TRIM42: variants seen among roughly 807,000 people sequenced by gnomAD.
TRIM42 encodes tripartite motif containing 42.
Under a neutral mutation model 64.9 loss-of-function variants are expected in TRIM42, and 59 were observed. The ratio of observed to expected loss-of-function variants is 0.91; its 90% confidence interval spans 0.74 to 1.13. The LOEUF (loss-of-function observed/expected upper bound fraction) is 1.13, where lower values mean the gene tolerates loss of function less well. TRIM42 is among the 50% of genes most tolerant of loss of function. The pLI is 0.00. For synonymous variants in TRIM42, 354 were observed against 346.3 expected (o/e 1.02, Z -0.25); for missense variants, 878 against 929.5 (o/e 0.94, Z 0.72).
intron 1 of TRIM42, 30 bp from the exon 2 acceptor site, chr3:140,682,432 C>A: frequency 1.3e-6 from 2 of 1,594,890 alleles, no homozygotes; most frequent in Admixed American, 1.7e-5. Flanking sequence ...AGCCTGCCTC[C>A]TGAAACCCTG....
At chr3:140,698,818 A>G (rs761415431) in intron 4 of TRIM42, among the ~76,000 whole-genome samples, 4 of 152,102 alleles carry the variant, frequency 2.6e-5, no homozygotes, top group Non-Finnish European at 5.9e-5. Context: ...ATCTCCTATA[A>G]AGAATGATGG....
intron 4 of TRIM42, among the ~76,000 whole-genome samples, chr3:140,695,401 T>G (rs1988822272): frequency 6.6e-6 from 1 of 152,176 alleles, no homozygotes; most frequent in South Asian, 2.1e-4. Flanking sequence ...TGTCCTAGGT[T>G]ACATCAGACT....
At position 140,683,142 on chromosome 3, in the gene TRIM42, T is replaced by TCGCCAA; in HGVS notation, c.1023_1028dup (p.Ala342_Lys343insAsnAla). 1 of 1,614,054 alleles carries TCGCCAA rather than the reference T, an allele frequency of 6.2e-7. No individual in the cohort carries two copies. The highest frequency in any genetic ancestry group is 8.5e-7 in the Non-Finnish European group (1 of 1,179,938). On this transcript the variant is annotated inframe_insertion, in exon 2 of 5. Coordinates refer to ENST00000286349, the MANE Select transcript of TRIM42 (RefSeq NM_152616.5). ...AGGGCCGCCTCACTCTTCAGCGCCA[T>TCGCCAA]CGCCAAGTTCAAAGCAGGTCCTCCC...
Position 140,678,295 on chromosome 3 carries a change from C to G in TRIM42, c.66C>G (p.Cys22Trp). Residue 22 changes from cysteine to tryptophan, a missense_variant, in exon 1 of 5, where the codon TGC (cysteine) becomes TGG (tryptophan). Coordinates refer to ENST00000286349, the MANE Select transcript of TRIM42 (RefSeq NM_152616.5). ...GGCAGAGATGTTGTCCTCAGTTATG[C>G]TCCTGTCTGTGCTGCAAGTTCATCT... is the stretch of plus-strand genomic sequence containing the variant. ...CTWQRCCPQLCSCLCCKFIFT... is the reference protein window; with the variant it reads ...CTWQRCCPQLWSCLCCKFIFT... 6.2e-7 allele frequency: 1 copy of G among 1,614,208 alleles called. No individual in the cohort carries two copies. Among genetic ancestry groups the G allele is most frequent in the South Asian group, 1.1e-5 (1 of 91,090 alleles).
intron 3 of TRIM42, among the ~76,000 whole-genome samples, chr3:140,689,847 C>T (rs2107762684): frequency 1.3e-5 from 2 of 151,104 alleles, no homozygotes; most frequent in Non-Finnish European, 2.9e-5. Flanking sequence ...CACTGGGTCT[C>T]ATCTCCTTGA....
chr3:140,694,834 T>C (rs1988809322), intron 4 of TRIM42, among the ~76,000 whole-genome samples: 1 of 152,110 alleles, frequency 6.6e-6, no homozygotes, highest in South Asian at 2.1e-4. Context: ...CCAGCAACAT[T>C]GGGCTGAGTT....
intron 4 of TRIM42, 93 bp from the exon 5 acceptor site, chr3:140,700,794 GA>G: frequency 9.0e-7 from 1 of 1,110,432 alleles, no homozygotes. Flanking sequence ...AGGAGTTAAT[GA>G]AATGATGTGT....
In TRIM42 at chr3:140,700,947, C is replaced by A. The variant is rs1988985423; in HGVS notation, c.2145C>A (p.Ile715=). 1 of 1,614,060 alleles carries A rather than the reference C, an allele frequency of 6.2e-7. No individual in the cohort carries two copies. The highest frequency in any genetic ancestry group is 8.5e-7 in the Non-Finnish European group (1 of 1,179,928). The change falls in exon 5 of 5, where the codon ATC becomes ATA. Residue 715 remains isoleucine (I), a synonymous_variant. Transcript: ENST00000286349. ...CTAAGTGGGGCCTGCTGAAGAATAT[C>A]CAGTCTGCCCTCCAGAAGCACTTCT... ...NRAKWGLLKN[I]QSALQKHF
chr3:140,681,960 T>G (rs904616950), intron 1 of TRIM42, among the ~76,000 whole-genome samples: 1 of 152,132 alleles, frequency 6.6e-6, no homozygotes, highest in South Asian at 2.1e-4. Flanking sequence ...TTAGACAACG[T>G]TCTTGTCGGA....
intron 2 of TRIM42, among the ~76,000 whole-genome samples, chr3:140,683,725 T>C (rs1988477122): frequency 6.6e-6 from 1 of 152,188 alleles, no homozygotes; most frequent in African/African-American, 2.4e-5. Flanking sequence ...CCAAAGTAAA[T>C]AAACTGGCAG....
chr3:140,688,171 G>A lies in TRIM42; in HGVS notation c.1489G>A (p.Val497Ile). Residue 497 changes from valine to isoleucine, a missense_variant, in exon 3 of 5, where the codon GTA (valine) becomes ATA (isoleucine). Val to Ile is a conservative substitution (Grantham distance 29, BLOSUM62 3). Transcript: ENST00000286349. The stretch of plus-strand genomic sequence containing the variant: ...GCTCTTCCCCACAGGGCCCAAGAAG[G>A]TACGCTCCTCAGGGGACTCCCTGCC... ...HELFPTGPKKVRSSGDSLPSP... is the reference protein window; with the variant it reads ...HELFPTGPKKIRSSGDSLPSP... 6.2e-7 allele frequency: 1 copy of A among 1,614,170 alleles called. No homozygotes were observed. Among genetic ancestry groups the A allele is most frequent in the Non-Finnish European group, 8.5e-7 (1 of 1,180,024 alleles).
chr3:140,686,811 C>T (rs1988555813), intron 2 of TRIM42, among the ~76,000 whole-genome samples: 1 of 152,138 alleles, frequency 6.6e-6, no homozygotes, highest in Non-Finnish European at 1.5e-5. Context: ...TGCCTCAAAT[C>T]CTTTAAAGCT....
intron 2 of TRIM42, among the ~76,000 whole-genome samples, chr3:140,684,979 G>A (rs539739774): frequency 1.3e-5 from 2 of 152,268 alleles, no homozygotes; most frequent in East Asian, 3.9e-4. Context: ...AATTCAAGGT[G>A]GGGGGAAAAT....
chr3:140,692,562 C>CACACACACACACAG (rs375439126), intron 4 of TRIM42, among the ~76,000 whole-genome samples: 2,121 of 114,124 alleles, frequency 0.019, 82 homozygotes, highest in Non-Finnish European at 0.028. Context: ...CACACACACA[C>CACACACACACACAG]AGAGAGAGAT....
At chr3:140,679,726 T>C (rs1988314244) in intron 1 of TRIM42, among the ~76,000 whole-genome samples, 1 of 152,136 alleles carries the variant, frequency 6.6e-6, no homozygotes, top group Non-Finnish European at 1.5e-5. Context: ...TGTTGTTCAG[T>C]TGTGCAACAG....
intron 4 of TRIM42, among the ~76,000 whole-genome samples, chr3:140,692,530 TACACACACACACAC>T (rs1553763786): frequency 1.8e-5 from 2 of 108,442 alleles, no homozygotes; most frequent in South Asian, 3.5e-4. Flanking sequence ...CACATACACA[TACACACACACACAC>T]ACACACACAC....
intron 4 of TRIM42, among the ~76,000 whole-genome samples, chr3:140,692,605 A>G (rs954654344): frequency 6.6e-6 from 1 of 151,864 alleles, no homozygotes; most frequent in Non-Finnish European, 1.5e-5. Flanking sequence ...CAAACCTGGC[A>G]CAGGAAGGAT....
chr3:140,679,153 C>G (rs1988293902), intron 1 of TRIM42, among the ~76,000 whole-genome samples: 2 of 152,074 alleles, frequency 1.3e-5, no homozygotes, highest in African/African-American at 4.8e-5. Flanking sequence ...CCTATGAACT[C>G]TTAATACCTG....
At position 140,701,082 on chromosome 3, in the gene TRIM42, C is replaced by A. The variant is rs928678539; in HGVS notation, c.*108C>A. ...CCACATTCTTCAAGGAGGTTGTAGA[C>A]AAATGTTTCCATGACCTCTCAGCTT... On this transcript the variant is annotated 3_prime_UTR_variant, in exon 5 of 5. Transcript: ENST00000286349. 3 of 928,936 alleles carry A rather than the reference C, an allele frequency of 3.2e-6. No homozygotes were observed. The highest frequency in any genetic ancestry group is 3.4e-5 in the African/African-American group (2 of 59,116). The allele number at this position is 928,936 out of a possible 1,614,324, so 57.5% of individuals were successfully genotyped here. A position where few individuals can be genotyped will look rare whatever the true frequency, so the allele number is the denominator to read the frequency against.
Sources: allele counts gnomAD v4.1 joint callset (sites outside exome capture counted in the v4.1 genomes callset), GRCh38; gene constraint gnomAD v4.1.1; transcripts MANE v1.5; gene names NCBI Gene and HGNC (gene_info 2026-07-23, HGNC 2026-07-21).